Variants in COA5 observed in about 807,000 individuals in gnomAD.
COA5 encodes cytochrome c oxidase assembly factor 5.
In COA5, 11 loss-of-function variants were observed where a neutral mutation model predicts 11.8. The ratio of observed to expected loss-of-function variants is 0.93; its 90% CI spans 0.59 to 1.54. The LOEUF is 1.54. Among genes scored for constraint, COA5 ranks in the 40% most tolerant of loss-of-function variants. COA5 has a pLI of 0.00. For missense variants in COA5, 87 were observed against 89.2 expected, an observed-to-expected ratio of 0.97 and a Z score of 0.10; for synonymous variants, 38 against 37.5, an observed-to-expected ratio of 1.01 and a Z score of -0.05.
Position 98,600,750 on chromosome 2 carries a change from C to A in COA5, c.*2G>T, listed in dbSNP as rs1398658984. The A allele has an allele frequency of 1.2e-6, 2 of 1,609,710 alleles. No homozygotes were observed. The highest frequency in any genetic ancestry group is 1.1e-5 in the South Asian group (1 of 90,764). ...TTTCCATGTTGGCTTCAACATAATG[C>A]ATCAATATCCTTTTCTTCCTCTGAA... On this transcript the variant is annotated 3_prime_UTR_variant, in exon 3 of 3. Transcript: ENST00000328709.
intron 1 of COA5, among the ~76,000 whole-genome samples, chr2:98,606,853 C>G (rs984281861): frequency 6.6e-6 from 1 of 152,214 alleles, no homozygotes; most frequent in Non-Finnish European, 1.5e-5. Flanking sequence ...GGCCTTCTGT[C>G]GCATTCCCCT....
Position 98,600,632 on chromosome 2 carries a change from AG to A in COA5, c.*119del. On this transcript the variant is annotated 3_prime_UTR_variant, in exon 3 of 3. Coordinates refer to ENST00000328709, the MANE Select transcript of COA5 (RefSeq NM_001008215.3). Reference sequence around the variant, plus strand: ...ATCCACTTTCTTCAGTGTTCCACGGAGGGGAAATCTGGTCCAACCAAACAGA... The same window carrying A: ...ATCCACTTTCTTCAGTGTTCCACGGAGGGAAATCTGGTCCAACCAAACAGA... 1 of 800,354 alleles carries A rather than the reference AG, an allele frequency of 1.2e-6. No homozygotes were observed. The allele number at this position is 800,354 out of a possible 1,614,324, so 49.6% of individuals were successfully genotyped here.
At chr2:98,604,228 A>G in intron 1 of COA5, 37 bp from the exon 2 acceptor site, 3 of 1,465,312 alleles carry the variant, frequency 2.0e-6, no homozygotes, top group Non-Finnish European at 2.9e-6. Context: ...AACACCTTGG[A>G]AATTTTCTCA....
In COA5 at chr2:98,600,214, G is replaced by A. The variant is rs954201622; in HGVS notation, c.*538C>T. 1 of 160,262 alleles carries A rather than the reference G, an allele frequency of 6.2e-6. No individual in the cohort carries two copies. Among genetic ancestry groups the A allele is most frequent in the Admixed American group, 6.0e-5 (1 of 16,804 alleles). 9.9% of individuals were successfully genotyped at this position (160,262 alleles called of 1,614,324 possible). On this transcript the variant is annotated 3_prime_UTR_variant, in exon 3 of 3. Transcript: ENST00000328709. ...GGGCCTAGCATCAGCTATGCCTGTG[G>A]ACGCTATTAAAGTGCTGAGGTTATT...
rs200892190 is a variant in COA5 at position 98,608,343 on chromosome 2, C to G, written c.63G>C (p.Leu21=). The change falls in exon 1 of 3, where the codon CTG becomes CTC. Residue 21 remains leucine, a synonymous_variant. Coordinates refer to ENST00000328709, the MANE Select transcript of COA5 (RefSeq NM_001008215.3). ...GGACAGLKED[L]GACLLQSDCV... ...AGTCCGACTGCAGCAGACACGCGCC[C>G]AGGTCCTCCTTCAGGCCCGCGCACG... 105 of 1,609,474 alleles carry G rather than the reference C, an allele frequency of 6.5e-5. No individual in the cohort carries two copies. In the Admixed American group the frequency reaches 8.7e-4, roughly 13 times the overall value.
chr2:98,600,623 G>A lies in COA5; in HGVS notation c.*129C>T. On this transcript the variant is annotated 3_prime_UTR_variant, in exon 3 of 3. Coordinates refer to ENST00000328709, the MANE Select transcript of COA5 (RefSeq NM_001008215.3). ...AAACAACTCATCCACTTTCTTCAGTGTTCCACGGAGGGGAAATCTGGTCCA... is the reference window on the plus strand; with the variant it reads ...AAACAACTCATCCACTTTCTTCAGTATTCCACGGAGGGGAAATCTGGTCCA... 2 of 759,826 alleles carry A rather than the reference G, an allele frequency of 2.6e-6. No homozygotes were observed. Among genetic ancestry groups the A allele is most frequent in the Non-Finnish European group, 4.6e-6 (2 of 431,216 alleles). The allele number at this position is 759,826 out of a possible 1,614,324, so 47.1% of individuals were successfully genotyped here.
At chr2:98,603,324 T>TA (rs1370504815) in intron 2 of COA5, among the ~76,000 whole-genome samples, 2 of 151,802 alleles carry the variant, frequency 1.3e-5, no homozygotes, top group Non-Finnish European at 2.9e-5. Flanking sequence ...ACTAAAAAAA[T>TA]ACAAAAATTA....
chr2:98,600,717 T>A lies in COA5; in HGVS notation c.*35A>T. ...TTTGTGTTAATGACCAGGGAAAATA[T>A]TTGTTGTTTTCCATGTTGGCTTCAA... On this transcript the variant is annotated 3_prime_UTR_variant, in exon 3 of 3. Coordinates refer to ENST00000328709, the MANE Select transcript of COA5 (RefSeq NM_001008215.3). 1 of 1,590,724 alleles carries A rather than the reference T, an allele frequency of 6.3e-7. No homozygotes were observed. The highest frequency in any genetic ancestry group is 1.7e-4 in the Middle Eastern group (1 of 6,010).
At chr2:98,607,630 C>T (rs968049575) in intron 1 of COA5, among the ~76,000 whole-genome samples, 2 of 152,336 alleles carry the variant, frequency 1.3e-5, no homozygotes, top group African/African-American at 4.8e-5. Flanking sequence ...GGAAAAGGCA[C>T]TTGTGCTTTA....
Position 98,604,148 on chromosome 2 carries a change from T to C in COA5, c.143A>G (p.Asn48Ser). The C allele has an allele frequency of 1.2e-6, 2 of 1,613,968 alleles. No homozygotes were observed. Among genetic ancestry groups the C allele is most frequent in the Non-Finnish European group, 1.7e-6 (2 of 1,179,942 alleles). The change falls in exon 2 of 3, where the codon AAC (asparagine) becomes AGC (serine). Residue 48 changes from asparagine (N) to serine (S), a missense_variant. Transcript: ENST00000328709. ...PRQCLKEGYC[N>S]SLKYAFFECK... ...CTCAAAAAATGCGTACTTCAAAGAG[T>C]TGCAGTATCCTTCCTTCAAACACTG...
intron 1 of COA5, among the ~76,000 whole-genome samples, chr2:98,605,393 T>G (rs1700694263): frequency 6.6e-6 from 1 of 152,204 alleles, no homozygotes; most frequent in African/African-American, 2.4e-5. Flanking sequence ...AAACCAGTCT[T>G]GGACCATGAA....
At chr2:98,604,664 G>C (rs1700685933) in intron 1 of COA5, 1 of 165,778 alleles carries the variant, frequency 6.0e-6, no homozygotes, top group Non-Finnish European at 1.3e-5. Context: ...TGCATAATCA[G>C]GGATTTTCCC....
At chr2:98,607,159 TC>T (rs1700718123) in intron 1 of COA5, among the ~76,000 whole-genome samples, 1 of 152,194 alleles carries the variant, frequency 6.6e-6, no homozygotes. Context: ...TGTCTATTTC[TC>T]CCATGACACC....
chr2:98,599,460 C>T lies in COA5; in HGVS notation c.*1292G>A, dbSNP rs763090995. 2.0e-5 allele frequency: 3 copies of T among 151,534 alleles called. No homozygotes were observed. Among genetic ancestry groups the T allele is most frequent in the Non-Finnish European group, 4.4e-5 (3 of 67,932 alleles). The allele number at this position is 151,534 out of a possible 1,614,324, so 9.4% of individuals were successfully genotyped here. ...AAGTTAGATCACTTATATATATATA[C>T]ATTGAAAAAAACTATTATTGTCCCT... On this transcript the variant is annotated 3_prime_UTR_variant, in exon 3 of 3. Coordinates refer to ENST00000328709, the MANE Select transcript of COA5 (RefSeq NM_001008215.3).
chr2:98,601,020 C>T (rs1007082552), intron 2 of COA5, among the ~76,000 whole-genome samples: 27 of 151,962 alleles, frequency 1.8e-4, no homozygotes, highest in African/African-American at 6.5e-4. Context: ...ATGAGGTGGG[C>T]GGATCACAAG....
At position 98,603,994 on chromosome 2, in the gene COA5, AT is replaced by A. The variant is rs35924468; in HGVS notation, c.183+113del. ...TGGAGGAAGAAATATTATCTATGTA[AT>A]TTTTTCCAAACCATATCACTGCAAC... On this transcript the variant is annotated intron_variant, in intron 2 of 2. Transcript: ENST00000328709. The A allele has an allele frequency of 1.2e-4, 94 of 755,658 alleles. 1 individual carries two copies. The African/African-American group carries it at 1.5e-3, about 12-fold the overall frequency. The allele number at this position is 755,658 out of a possible 1,614,324, so 46.8% of individuals were successfully genotyped here.
intron 1 of COA5, among the ~76,000 whole-genome samples, chr2:98,607,678 C>T (rs908104985): frequency 6.6e-6 from 1 of 152,232 alleles, no homozygotes; most frequent in Admixed American, 6.5e-5. Flanking sequence ...CACTGTGAAC[C>T]TCACTACATG....
At chr2:98,603,605 G>C (rs1405523142) in intron 2 of COA5, among the ~76,000 whole-genome samples, 1 of 152,112 alleles carries the variant, frequency 6.6e-6, no homozygotes. Flanking sequence ...CCATTCCAAA[G>C]ATCTCCATAC....
At chr2:98,605,135 A>G (rs1700690819) in intron 1 of COA5, among the ~76,000 whole-genome samples, 1 of 152,214 alleles carries the variant, frequency 6.6e-6, no homozygotes, top group Non-Finnish European at 1.5e-5. Context: ...TAAAGCTAAG[A>G]GACAGTCATT....
Sources: gnomAD v4.1 joint callset for allele counts (sites outside exome capture counted in the v4.1 genomes callset) on GRCh38, gnomAD v4.1.1 for gene constraint, MANE v1.5 for transcripts, NCBI Gene and HGNC (gene_info 2026-07-23, HGNC 2026-07-21) for gene names.